SCN3A: variants seen among roughly 807,000 people sequenced by gnomAD.
SCN3A encodes sodium voltage-gated channel alpha subunit 3, also known as sodium channel protein type 3 subunit alpha.
In SCN3A, 60 loss-of-function variants were observed where a neutral mutation model predicts 187.6. The observed-to-expected ratio is 0.32, with a 90% CI of 0.26 to 0.40. The LOEUF is 0.40. Among genes scored for constraint, SCN3A ranks in the 10% least tolerant of loss-of-function variants. The probability of loss-of-function intolerance (pLI) is 1.00; values close to 1 mark genes in which losing one functional copy is unlikely to be tolerated. For missense variants in SCN3A, 1,601 were observed against 2,428.2 expected, an observed-to-expected ratio of 0.66 and a Z score of 7.16; for synonymous variants, 788 against 829.2, an observed-to-expected ratio of 0.95 and a Z score of 0.85.
rs375767100 is a variant in SCN3A at position 165,113,803 on chromosome 2, G to A, written c.3669+13C>T. The A allele has an allele frequency of 3.9e-5, 63 of 1,612,544 alleles. No homozygotes were observed. The African/African-American group carries it at 8.3e-4, about 21-fold the overall frequency. On this transcript the variant is annotated intron_variant, in intron 20 of 27. Coordinates refer to ENST00000283254, the MANE Select transcript of SCN3A (RefSeq NM_006922.4). ...ACCAGAATCTGATTCTTGCCAATAT[G>A]CATTTCACTTACCAATGCACCACTA...
intron 12 of SCN3A, among the ~76,000 whole-genome samples, chr2:165,144,787 A>G (rs1688221567): frequency 6.6e-6 from 1 of 151,940 alleles, no homozygotes. Context: ...AAAAATTTCC[A>G]TGAGGTCAGT....
At position 165,092,602 on chromosome 2, in the gene SCN3A, C is replaced by G. The variant is rs1685160652; in HGVS notation, c.4537-78G>C. On this transcript the variant is annotated intron_variant, in intron 26 of 27. Transcript: ENST00000283254. This position sits in a 1 kb window ranked among gnomAD's most constrained non-coding sequence, Gnocchi z 4.2. ...AATGCAGTAAAATTGTAGATAAAGC[C>G]CTTCCACATACGGGATGGATGTGCA... 1 of 1,375,834 alleles carries G rather than the reference C, an allele frequency of 7.3e-7. No homozygotes were observed. Among genetic ancestry groups the G allele is most frequent in the Non-Finnish European group, 1.0e-6 (1 of 974,514 alleles). The allele number at this position is 1,375,834 out of a possible 1,614,324, so 85.2% of individuals were successfully genotyped here. A position where few individuals can be genotyped will look rare whatever the true frequency, so the allele number is the denominator to read the frequency against.
intron 11 of SCN3A, 71 bp downstream of exon 11, chr2:165,154,381 A>G (rs1228097918): frequency 1.1e-5 from 17 of 1,492,754 alleles, no homozygotes; most frequent in Admixed American, 6.9e-5. Flanking sequence ...TCTACCCTCT[A>G]TAGTATAACA....
chr2:165,140,556 A>T lies in SCN3A; in HGVS notation c.2019+95T>A. On this transcript the variant is annotated intron_variant, in intron 13 of 27. Coordinates refer to ENST00000283254, the MANE Select transcript of SCN3A (RefSeq NM_006922.4). This position sits in a 1 kb window ranked among gnomAD's most constrained non-coding sequence, Gnocchi z 4.2. ...ATTATTTTTACCAACTTTCATTTTG[A>T]GGAAGCAGGACGGTATGACAGCCTA... 9.8e-7 allele frequency: 1 copy of T among 1,018,112 alleles called. No homozygotes were observed. Among genetic ancestry groups the T allele is most frequent in the Non-Finnish European group, 1.5e-6 (1 of 648,140 alleles). The allele number at this position is 1,018,112 out of a possible 1,614,324, so 63.1% of individuals were successfully genotyped here.
chr2:165,146,380 A>C (rs2390209), intron 12 of SCN3A, among the ~76,000 whole-genome samples: 1 of 90,512 alleles, frequency 1.1e-5, no homozygotes, highest in South Asian at 4.0e-4. Context: ...ATATATATAT[A>C]TATGTGTGTG....
intron 3 of SCN3A, among the ~76,000 whole-genome samples, chr2:165,171,830 A>G (rs1690119199): frequency 6.6e-6 from 1 of 152,158 alleles, no homozygotes. Context: ...ACCATTGAGC[A>G]TAAAGAGCTT....
chr2:165,141,841 G>A (rs187484133), intron 12 of SCN3A, among the ~76,000 whole-genome samples: 52 of 152,236 alleles, frequency 3.4e-4, no homozygotes, highest in Middle Eastern at 6.8e-3. Flanking sequence ...ATATACTTCT[G>A]TTTTATTTTA....
chr2:165,127,754 A>G lies in SCN3A; in HGVS notation c.3270T>C (p.Tyr1090=). The part of the protein sequence containing the change: ...VEKYVIDEND[Y]MSFINNPSLT... ...GGCTGGGGTTGTTTATGAATGACAT[A>G]TAATCATTTTCATCGATTACGTATT... The change falls in exon 18 of 28, where the codon TAT becomes TAC. Residue 1090 remains tyrosine (Y), a synonymous_variant. Transcript: ENST00000283254. 6.2e-7 allele frequency: 1 copy of G among 1,614,144 alleles called. No individual in the cohort carries two copies.
At chr2:165,161,949 T>C (rs1295530813) in intron 9 of SCN3A, among the ~76,000 whole-genome samples, 1 of 152,334 alleles carries the variant, frequency 6.6e-6, no homozygotes, top group Non-Finnish European at 1.5e-5. Flanking sequence ...ACTCATCCCA[T>C]TGATACATAT....
At position 165,160,128 on chromosome 2, in the gene SCN3A, CA is replaced by C. The variant is rs1271338496; in HGVS notation, c.1031+2179del. 3.9e-5 allele frequency among the ~76,000 whole-genome samples: 4 copies of C among 101,764 alleles called. 2 individuals are homozygous for C. Among genetic ancestry groups the C allele is most frequent in the African/African-American group, 1.9e-4 (4 of 20,730 alleles). The allele number at this position is 101,764 out of a possible 152,430, so 66.8% of individuals were successfully genotyped here. A position where few individuals can be genotyped will look rare whatever the true frequency, so the allele number is the denominator to read the frequency against. ...TGGGCGACAGAGCTAAACTCCGTCT[CA>C]AAAAAAAACAAAAACAAAAACAAAA... is the stretch of plus-strand genomic sequence containing the variant. On this transcript the variant is annotated intron_variant, in intron 9 of 27. Transcript: ENST00000283254.
rs1463179397 is a variant in SCN3A, at chr2:165,147,046, C to T, written c.1381-17G>A. On this transcript the variant is annotated splice_polypyrimidine_tract_variant and intron_variant, in intron 11 of 27. Transcript: ENST00000283254. ...CGCAACTGCCTGTCATAAAACAAAG[C>T]CAGGCACTATTTAGAACACAGAGCT... The T allele has an allele frequency of 8.1e-6, 13 of 1,613,536 alleles. No individual in the cohort carries two copies. The highest frequency in any genetic ancestry group is 1.1e-5 in the Non-Finnish European group (13 of 1,179,820).
chr2:165,102,103 A>G (rs1276456361), intron 21 of SCN3A, among the ~76,000 whole-genome samples: 1 of 152,356 alleles, frequency 6.6e-6, no homozygotes, highest in Non-Finnish European at 1.5e-5. Context: ...TAGAGTTACT[A>G]TCTGAAGATT....
intron 2 of SCN3A, among the ~76,000 whole-genome samples, chr2:165,178,533 A>C (rs1690619667): frequency 6.6e-6 from 1 of 152,152 alleles, no homozygotes; most frequent in South Asian, 2.1e-4. Flanking sequence ...CTGGGCCCAA[A>C]AAGTGTTTTT....
intron 18 of SCN3A, chr2:165,119,688 T>C (rs1686555325): frequency 6.6e-6 from 1 of 152,108 alleles, no homozygotes; most frequent in Non-Finnish European, 1.5e-5. Context: ...ACCTTCAAAT[T>C]TATTTAAAAG....
chr2:165,113,972 TA>T lies in SCN3A; in HGVS notation c.3515-3del. The T allele has an allele frequency of 6.4e-7, 1 of 1,556,572 alleles. No homozygotes were observed. On this transcript the variant is annotated splice_polypyrimidine_tract_variant and splice_region_variant and intron_variant, in intron 19 of 27. Transcript: ENST00000283254. ...AGAATGGAAACTTTTTAATACATCC[TA>T]AAAATCAAATATAGTTAATTAAAAA...
At chr2:165,154,003 T>C (rs1228461283) in intron 11 of SCN3A, among the ~76,000 whole-genome samples, 1 of 148,780 alleles carries the variant, frequency 6.7e-6, no homozygotes, top group Non-Finnish European at 1.5e-5. Flanking sequence ...TTTTTTTTTT[T>C]TTTTTGCTAC....
At chr2:165,110,978 G>A (rs1473698051) in intron 21 of SCN3A, among the ~76,000 whole-genome samples, 4 of 152,074 alleles carry the variant, frequency 2.6e-5, no homozygotes, top group Admixed American at 2.0e-4. Context: ...AGAAATACTC[G>A]AAGTACAATG....
In SCN3A at chr2:165,176,216, T is replaced by C. The variant is rs1250467397; in HGVS notation, c.179A>G (p.Asn60Ser). The change falls in exon 3 of 28, where the codon AAC becomes AGC. Residue 60 changes from asparagine to serine, a missense_variant. By Grantham distance (46) the Asn-to-Ser change is conservative (BLOSUM62 1). Transcript: ENST00000283254. ...AATGTCTCCATAAATAAATGGAAGG[T>C]TCTTTCCAGCTTCCAAGTCACTATT... ...KPNSDLEAGK[N>S]LPFIYGDIPP... 2 of 1,614,138 alleles carry C rather than the reference T, an allele frequency of 1.2e-6. No individual in the cohort carries two copies. Among genetic ancestry groups the C allele is most frequent in the Middle Eastern group, 1.6e-4 (1 of 6,062 alleles).
At chr2:165,156,730 TTTAA>T (rs982875710) in intron 9 of SCN3A, among the ~76,000 whole-genome samples, 2 of 151,984 alleles carry the variant, frequency 1.3e-5, no homozygotes, top group African/African-American at 4.8e-5. Context: ...ATTGTTATTA[TTTAA>T]TTGAGATGGG....
Sources: allele counts gnomAD v4.1 joint callset (sites outside exome capture counted in the v4.1 genomes callset), GRCh38; gene constraint gnomAD v4.1.1; non-coding constraint Gnocchi (gnomAD v3.1); transcripts MANE v1.5; gene names NCBI Gene and HGNC (gene_info 2026-07-23, HGNC 2026-07-21).